Variants in RYR3 observed in about 807,000 individuals in gnomAD.
RYR3 encodes ryanodine receptor 3.
A neutral mutation model predicts 584.3 loss-of-function variants in RYR3; 207 were observed. The observed-to-expected ratio is 0.35, with a 90% CI of 0.32 to 0.40. The LOEUF is 0.40. Ranked by LOEUF, RYR3 falls within the 10% of genes least tolerant of loss-of-function variation. RYR3 has a pLI of 1.00. For synonymous variants in RYR3, 2,416 were observed against 2,248.5 expected, an observed-to-expected ratio of 1.07 and a Z score of -2.11; for missense variants, 5,616 against 6,089.2, an observed-to-expected ratio of 0.92 and a Z score of 2.59.
intron 27 of RYR3, among the ~76,000 whole-genome samples, chr15:33,638,816 T>G (rs1346031741): frequency 6.6e-6 from 1 of 152,162 alleles, no homozygotes. Context: ...GGATTTGAAT[T>G]GCATGTTAAC....
chr15:33,530,983 A>G (rs1318064761), intron 4 of RYR3, among the ~76,000 whole-genome samples: 1 of 152,168 alleles, frequency 6.6e-6, no homozygotes, highest in African/African-American at 2.4e-5. Context: ...CTCAATAAAT[A>G]TTTGTTGAAT....
intron 5 of RYR3, among the ~76,000 whole-genome samples, chr15:33,535,058 G>C (rs1281186876): frequency 6.6e-6 from 1 of 152,234 alleles, no homozygotes; most frequent in Admixed American, 6.5e-5. Context: ...AGAGACCAAG[G>C]AAGAGAAAAC....
intron 3 of RYR3, among the ~76,000 whole-genome samples, chr15:33,518,602 G>A (rs201382526): frequency 2.5e-4 from 38 of 152,286 alleles, no homozygotes; most frequent in East Asian, 1.4e-3. Context: ...CCCATTGTCA[G>A]TGTGATAAAT....
rs566464310 is a variant in RYR3, at chr15:33,806,247, T to C, written c.10012-1308T>C. The stretch of plus-strand genomic sequence containing the variant: ...AAAAGCCTGTGTCTGTCTTTTAAGT[T>C]CTACACACAAAATCAACTGTCTAAT... On this transcript the variant is annotated intron_variant, in intron 69 of 103. Coordinates refer to ENST00000634891, the MANE Select transcript of RYR3 (RefSeq NM_001036.6). Among the ~76,000 whole-genome samples the C allele has an allele frequency of 2.0e-5, 3 of 152,366 alleles. No homozygotes were observed. In the South Asian group the frequency reaches 6.2e-4, roughly 32 times the overall value.
chr15:33,606,214 A>T (rs746681157), intron 18 of RYR3, among the ~76,000 whole-genome samples: 11 of 152,204 alleles, frequency 7.2e-5, no homozygotes, highest in Non-Finnish European at 1.0e-4. Context: ...TTCCTCTGAT[A>T]AAATGAGGAT....
chr15:33,337,564 AT>A (rs34484963), intron 1 of RYR3, among the ~76,000 whole-genome samples: 7 of 151,344 alleles, frequency 4.6e-5, no homozygotes, highest in Admixed American at 3.3e-4. Context: ...TCCAAGTGCC[AT>A]TTTTTTTTGC....
Position 33,678,289 on chromosome 15 carries a change from G to A in RYR3, c.5860+7733G>A, listed in dbSNP as rs1417441862. Among the ~76,000 whole-genome samples the A allele has an allele frequency of 2.6e-5, 4 of 152,170 alleles. No homozygotes were observed. The East Asian group carries it at 7.7e-4, about 29-fold the overall frequency. The stretch of plus-strand genomic sequence containing the variant: ...GTGGGAGATGACTGAATCATGGGGG[G>A]GAGACTTCCCCCATGCTGTTCTCAT... On this transcript the variant is annotated intron_variant, in intron 38 of 103. Transcript: ENST00000634891.
chr15:33,464,463 GATATATATATATATATAT>G (rs569756898), intron 1 of RYR3, among the ~76,000 whole-genome samples: 3,485 of 79,248 alleles, frequency 0.044, 181 homozygotes, highest in Middle Eastern at 0.11. Context: ...GGGAGGTGGA[GATATATATATATATATAT>G]ATATATATAC....
chr15:33,462,411 C>T (rs186504474), intron 1 of RYR3, among the ~76,000 whole-genome samples: 142 of 152,178 alleles, frequency 9.3e-4, no homozygotes, highest in African/African-American at 3.2e-3. Context: ...CTGTATGAGG[C>T]GCTACAAGTA....
Position 33,841,969 on chromosome 15 carries a change from T to G in RYR3, c.13143T>G (p.Val4381=), listed in dbSNP as rs2078397184. ...AGAAGCGGCGGTGTGGTCAGAAGGT[T>G]GAGAAGCCGGAAGCTTTCACAGCCA... ...KKKKRRCGQK[V]EKPEAFTANF... is the part of the protein sequence containing the mutation. Residue 4381 remains valine (V), a synonymous_variant, in exon 91 of 104, where the codon GTT becomes GTG. Coordinates refer to ENST00000634891, the MANE Select transcript of RYR3 (RefSeq NM_001036.6). The G allele has an allele frequency of 6.2e-7, 1 of 1,603,524 alleles. No individual in the cohort carries two copies. The highest frequency in any genetic ancestry group is 8.5e-7 in the Non-Finnish European group (1 of 1,174,910).
intron 67 of RYR3, among the ~76,000 whole-genome samples, chr15:33,799,212 C>T (rs929609392): frequency 3.3e-5 from 5 of 152,150 alleles, no homozygotes; most frequent in Admixed American, 6.5e-5. Context: ...TTCTGTTATT[C>T]ATAATAAGCC....
At chr15:33,785,052 A>G (rs1006311743) in intron 65 of RYR3, among the ~76,000 whole-genome samples, 2 of 152,194 alleles carry the variant, frequency 1.3e-5, no homozygotes, top group African/African-American at 4.8e-5. Context: ...CAGGGAGTCA[A>G]TCAAGCCACC....
chr15:33,555,451 A>G (rs1279432738), intron 10 of RYR3, among the ~76,000 whole-genome samples: 4 of 152,218 alleles, frequency 2.6e-5, no homozygotes, highest in Non-Finnish European at 4.4e-5. Flanking sequence ...TAAAATCTAC[A>G]AAGGATTTTT....
chr15:33,678,506 C>A (rs1479811639), intron 38 of RYR3, among the ~76,000 whole-genome samples: 1 of 152,210 alleles, frequency 6.6e-6, no homozygotes, highest in Non-Finnish European at 1.5e-5. Context: ...TCAATTAAAC[C>A]TCTCTTCTTC....
At chr15:33,848,050 A>G (rs2078836771) in intron 93 of RYR3, among the ~76,000 whole-genome samples, 1 of 152,192 alleles carries the variant, frequency 6.6e-6, no homozygotes. Context: ...GTTTGTATTA[A>G]TATTAGCCAT....
chr15:33,596,497 G>T (rs114681123), intron 16 of RYR3, among the ~76,000 whole-genome samples: 65,934 of 132,128 alleles, frequency 0.5, 16,050 homozygotes, highest in East Asian at 0.82. Context: ...TCTTTTTTTG[G>T]GGGGGGGGGA....
chr15:33,756,341 C>T lies in RYR3; in HGVS notation c.8551C>T (p.Pro2851Ser), dbSNP rs755398602. The change falls in exon 59 of 104, where the codon CCC (proline) becomes TCC (serine). Residue 2851 changes from proline (P) to serine (S), a missense_variant. Coordinates refer to ENST00000634891, the MANE Select transcript of RYR3 (RefSeq NM_001036.6). ...IVSSGKTEKS[P>S]RDQEIKFFAK... ...CAGCAGTGGGAAAACTGAAAAGTCT[C>T]CCCGTGACCAGGAGATCAAATTCTT... 6.3e-7 allele frequency: 1 copy of T among 1,580,828 alleles called. No individual in the cohort carries two copies. The highest frequency in any genetic ancestry group is 1.2e-5 in the South Asian group (1 of 85,924).
chr15:33,630,151 G>T, intron 22 of RYR3, 108 bp downstream of exon 22: 2 of 618,320 alleles, frequency 3.2e-6, no homozygotes, highest in Non-Finnish European at 2.8e-6. Context: ...GGCACATTCT[G>T]ATAAATTAGA....
intron 9 of RYR3, among the ~76,000 whole-genome samples, chr15:33,549,609 C>T (rs2056520375): frequency 6.6e-6 from 1 of 152,164 alleles, no homozygotes; most frequent in Admixed American, 6.5e-5. Context: ...TTGTCTTAAT[C>T]CTTTTATCCT....
Sources: gnomAD v4.1 joint callset for allele counts (sites outside exome capture counted in the v4.1 genomes callset) on GRCh38, gnomAD v4.1.1 for gene constraint, MANE v1.5 for transcripts, NCBI Gene and HGNC (gene_info 2026-07-23, HGNC 2026-07-21) for gene names.